MIPOL1: variants seen among roughly 807,000 people sequenced by gnomAD.
MIPOL1 encodes the protein mirror-image polydactyly 1, also known as mirror-image polydactyly gene 1 protein.
Under a neutral mutation model 60.9 loss-of-function variants are expected in MIPOL1, and 57 were observed. That is an observed-to-expected ratio of 0.94 (90% CI 0.76 to 1.17). The LOEUF is 1.17. Among genes scored for constraint, MIPOL1 ranks in the 50% most tolerant of loss-of-function variants. The pLI, the probability that MIPOL1 is intolerant of heterozygous loss-of-function variation, is 0.00. For synonymous variants in MIPOL1, 179 were observed against 168.8 expected (o/e 1.06, Z -0.47); for missense variants, 551 against 511.6 (o/e 1.08, Z -0.74).
At chr14:37,297,531 G>T (rs2085865299) in intron 7 of MIPOL1, among the ~76,000 whole-genome samples, 1 of 152,184 alleles carries the variant, frequency 6.6e-6, no homozygotes, top group Admixed American at 6.5e-5. Flanking sequence ...GTTTGCAGAT[G>T]ACATGATTGT....
intron 1 of MIPOL1, among the ~76,000 whole-genome samples, chr14:37,210,548 C>T (rs562898774): frequency 7.2e-5 from 11 of 152,062 alleles, no homozygotes; most frequent in South Asian, 4.2e-4. Context: ...GATGGACTCG[C>T]GGGATTCCTC....
At chr14:37,507,513 C>T (rs370249489) in intron 12 of MIPOL1, 1 of 152,218 alleles carries the variant, frequency 6.6e-6, no homozygotes, top group African/African-American at 2.4e-5. Context: ...GACAGAAAAC[C>T]AAACACCACA....
At chr14:37,357,885 A>C (rs552784407) in intron 9 of MIPOL1, among the ~76,000 whole-genome samples, 1 of 152,080 alleles carries the variant, frequency 6.6e-6, no homozygotes, top group East Asian at 1.9e-4. Context: ...ACATGTGCAC[A>C]ATGTGCAGGT....
chr14:37,385,579 A>G (rs1490747597), intron 10 of MIPOL1: 1 of 152,042 alleles, frequency 6.6e-6, no homozygotes, highest in Non-Finnish European at 1.5e-5. Context: ...AAAAGAACTA[A>G]ACTTTACACT....
chr14:37,402,794 AT>A (rs2093510278), intron 10 of MIPOL1, among the ~76,000 whole-genome samples: 2 of 152,312 alleles, frequency 1.3e-5, no homozygotes, highest in Admixed American at 6.5e-5. Flanking sequence ...TTCCTGGCTT[AT>A]TTTTAAACAG....
At chr14:37,353,685 T>TA (rs2091582032) in intron 9 of MIPOL1, among the ~76,000 whole-genome samples, 1 of 152,080 alleles carries the variant, frequency 6.6e-6, no homozygotes, top group African/African-American at 2.4e-5. Flanking sequence ...TTTTCTAGTT[T>TA]ATTTGCGTAG....
At chr14:37,374,450 G>A (rs888078478) in intron 10 of MIPOL1, among the ~76,000 whole-genome samples, 1 of 152,110 alleles carries the variant, frequency 6.6e-6, no homozygotes, top group Admixed American at 6.5e-5. Flanking sequence ...TAGTCATGAA[G>A]TCTTTGCCCA....
At chr14:37,522,383 CA>C (rs2095419988) in intron 12 of MIPOL1, among the ~76,000 whole-genome samples, 1 of 152,158 alleles carries the variant, frequency 6.6e-6, no homozygotes, top group Admixed American at 6.5e-5. Flanking sequence ...CCATCGTGGA[CA>C]AAGTGTACAA....
At chr14:37,366,311 G>T (rs2092468848) in intron 9 of MIPOL1, among the ~76,000 whole-genome samples, 2 of 151,550 alleles carry the variant, frequency 1.3e-5, no homozygotes, top group South Asian at 2.1e-4. Context: ...TTCCCTCTTA[G>T]TACTACTTTT....
chr14:37,289,614 G>A (rs541424979), intron 7 of MIPOL1, among the ~76,000 whole-genome samples: 2 of 152,258 alleles, frequency 1.3e-5, no homozygotes, highest in East Asian at 1.9e-4. Flanking sequence ...CAGAGCTTCC[G>A]TGCCCTCCTT....
chr14:37,275,264 A>G (rs982129650), intron 6 of MIPOL1, among the ~76,000 whole-genome samples: 2 of 151,222 alleles, frequency 1.3e-5, no homozygotes, highest in African/African-American at 2.4e-5. Context: ...TTAGCTCATT[A>G]AATTATACAT....
intron 10 of MIPOL1, among the ~76,000 whole-genome samples, chr14:37,381,752 T>G (rs866173013): frequency 5.9e-5 from 9 of 151,408 alleles, no homozygotes; most frequent in Non-Finnish European, 1.0e-4. Flanking sequence ...CCTGCTAATT[T>G]TTTTTTTTTT....
chr14:37,424,539 T>G (rs913220886), intron 11 of MIPOL1, among the ~76,000 whole-genome samples: 2 of 152,188 alleles, frequency 1.3e-5, no homozygotes, highest in African/African-American at 4.8e-5. Flanking sequence ...GATTCCAGAC[T>G]TCTATAGTTT....
intron 11 of MIPOL1, among the ~76,000 whole-genome samples, chr14:37,448,761 C>A (rs953240049): frequency 6.6e-6 from 1 of 152,104 alleles, no homozygotes. Context: ...AACTAAAAAT[C>A]TTACTTTATA....
chr14:37,380,717 T>G (rs925074926), intron 10 of MIPOL1, among the ~76,000 whole-genome samples: 1 of 152,188 alleles, frequency 6.6e-6, no homozygotes, highest in Non-Finnish European at 1.5e-5. Flanking sequence ...CAGTGTTGTT[T>G]TAGGAATTTG....
intron 10 of MIPOL1, chr14:37,401,072 G>T (rs560675471): frequency 6.6e-6 from 1 of 152,022 alleles, no homozygotes; most frequent in Non-Finnish European, 1.5e-5. Flanking sequence ...AATATAATAG[G>T]TGATTTTAAT....
chr14:37,247,661 T>C (rs1179590147), intron 2 of MIPOL1, 168 bp from the exon 3 acceptor site: 2 of 481,168 alleles, frequency 4.2e-6, no homozygotes, highest in African/African-American at 2.0e-5. Context: ...AACCTTTTTC[T>C]GAGAAAAAGA....
chr14:37,547,097 A>C lies in MIPOL1; in HGVS notation c.*126A>C. On this transcript the variant is annotated 3_prime_UTR_variant, in exon 13 of 13. Coordinates refer to ENST00000684589, the MANE Select transcript of MIPOL1 (RefSeq NM_001388067.1). ...GTTAGAAGTGGGACACTCCAACCAC[A>C]TTCCAAGCTGAGATAAAATCAAATC... 1 of 704,786 alleles carries C rather than the reference A, an allele frequency of 1.4e-6. No individual in the cohort carries two copies. 43.7% of individuals were successfully genotyped at this position (704,786 alleles called of 1,614,324 possible).
intron 1 of MIPOL1, among the ~76,000 whole-genome samples, chr14:37,220,889 C>T (rs1968630194): frequency 1.3e-5 from 2 of 152,138 alleles, no homozygotes; most frequent in South Asian, 4.1e-4. Flanking sequence ...AATCCTCCCA[C>T]CTCAGCCTCC....
Sources: gnomAD v4.1 joint callset for allele counts (sites outside exome capture counted in the v4.1 genomes callset) on GRCh38, gnomAD v4.1.1 for gene constraint, MANE v1.5 for transcripts, NCBI Gene and HGNC (gene_info 2026-07-23, HGNC 2026-07-21) for gene names.